ZNF592: variants seen among roughly 807,000 people sequenced by gnomAD.
The protein encoded by ZNF592 is zinc finger protein 592.
In ZNF592, 11 loss-of-function variants were observed where a neutral mutation model predicts 80.3. The observed-to-expected ratio is 0.14, with a 90% confidence interval of 0.09 to 0.23. The LOEUF (loss-of-function observed/expected upper bound fraction) is 0.23, where lower values mean the gene tolerates loss of function less well. Ranked by LOEUF, ZNF592 falls within the 10% of genes least tolerant of loss-of-function variation. The pLI, the probability that ZNF592 is intolerant of heterozygous loss-of-function variation, is 1.00. For missense variants in ZNF592, 1,420 were observed against 1,633.9 expected (o/e 0.87, Z 2.26); for synonymous variants, 646 against 640.3 (o/e 1.01, Z -0.13).
intron 1 of ZNF592, among the ~76,000 whole-genome samples, chr15:84,760,193 C>T (rs1475796022): frequency 1.3e-5 from 2 of 152,012 alleles, no homozygotes; most frequent in Non-Finnish European, 2.9e-5. Context: ...TCTTCTACTC[C>T]AAATCCTCCT....
At chr15:84,779,530 T>TA (rs1034340625) in intron 3 of ZNF592, among the ~76,000 whole-genome samples, 1 of 152,106 alleles carries the variant, frequency 6.6e-6, no homozygotes, top group African/African-American at 2.4e-5. Context: ...TTATTCTTTT[T>TA]AAAAATAGAG....
rs1009020534 is a variant in ZNF592, at chr15:84,798,409, G to A, written c.2671G>A (p.Val891Ile). The change falls in exon 7 of 11, where the codon GTC becomes ATC. Residue 891 changes from valine to isoleucine, a missense_variant. Val to Ile is a conservative substitution (Grantham distance 29). Around this residue, in one of 7 missense-constraint regions of ZNF592, gnomAD observed 331 missense variants for 347.0 expected, o/e 0.95. Coordinates refer to ENST00000560079, the MANE Select transcript of ZNF592 (RefSeq NM_014630.3). The surrounding 1 kb of genome is among the most constrained non-coding windows in gnomAD (Gnocchi z 4.5). ...YQNVSKTQVG[V>I]FKCPECPLLF... is the part of the protein sequence containing the mutation. The stretch of plus-strand genomic sequence containing the variant: ...GAATGTCAGCAAGACGCAGGTGGGC[G>A]TCTTCAAGTGCCCTGAGTGCCCACT... 16 of 1,614,170 alleles carry A rather than the reference G, an allele frequency of 9.9e-6. No individual in the cohort carries two copies. The highest frequency in any genetic ancestry group is 2.2e-5 in the East Asian group (1 of 44,872).
intron 1 of ZNF592, among the ~76,000 whole-genome samples, chr15:84,748,872 C>T (rs1898928062): frequency 6.7e-6 from 1 of 148,190 alleles, no homozygotes; most frequent in South Asian, 2.1e-4. Context: ...CACCCCGCCC[C>T]CGGCCGTCGG....
intron 1 of ZNF592, among the ~76,000 whole-genome samples, chr15:84,751,891 C>T (rs760796628): frequency 2.0e-5 from 3 of 151,938 alleles, no homozygotes; most frequent in Admixed American, 1.3e-4. Flanking sequence ...GGTGACAGAG[C>T]GAGACTCCAT....
At position 84,759,969 on chromosome 15, in the gene ZNF592, C is replaced by T. The variant is rs1462402539; in HGVS notation, c.-258-4738C>T. ...TTGGGGAGATTCCCCCCCCCCCCAC[C>T]CTGCCATTTAAAAAGTAATATGTGC... On this transcript the variant is annotated intron_variant, in intron 1 of 10. Transcript: ENST00000560079. Among the ~76,000 whole-genome samples the T allele has an allele frequency of 4.5e-3, 373 of 83,550 alleles. 9 individuals are homozygous for T. Among genetic ancestry groups the T allele is most frequent in the Non-Finnish European group, 8.2e-3 (273 of 33,136 alleles). The allele number at this position is 83,550 out of a possible 152,430, so 54.8% of individuals were successfully genotyped here. A position where few individuals can be genotyped will look rare whatever the true frequency, so the allele number is the denominator to read the frequency against.
intron 2 of ZNF592, among the ~76,000 whole-genome samples, chr15:84,769,991 A>G (rs1899652416): frequency 6.6e-6 from 1 of 152,192 alleles, no homozygotes; most frequent in Admixed American, 6.5e-5. Context: ...GGGAATGACT[A>G]GTAGAGGCAA....
chr15:84,781,406 G>A (rs1312882736), intron 3 of ZNF592, among the ~76,000 whole-genome samples: 1 of 141,406 alleles, frequency 7.1e-6, no homozygotes, highest in Non-Finnish European at 1.5e-5. Context: ...TTTTTTTTTT[G>A]GTCTTAGACA....
chr15:84,772,591 A>G (rs997895449), intron 2 of ZNF592, among the ~76,000 whole-genome samples: 4 of 152,184 alleles, frequency 2.6e-5, no homozygotes, highest in Non-Finnish European at 5.9e-5. Flanking sequence ...AATTACAAGC[A>G]ATAATGCAAC....
At chr15:84,748,763 G>T in intron 1 of ZNF592, 99 bp downstream of exon 1, 1 of 147,172 alleles carries the variant, frequency 6.8e-6, no homozygotes, top group South Asian at 2.0e-4. Flanking sequence ...GTCCGAGCCC[G>T]AGCCGGGGCC....
rs1963008684 is a variant in ZNF592, at chr15:84,798,854, C to T, written c.3003C>T (p.His1001=). 1.9e-6 allele frequency: 3 copies of T among 1,598,860 alleles called. No individual in the cohort carries two copies. In the African/African-American group the frequency reaches 4.0e-5, roughly 21 times the overall value. The change falls in exon 8 of 11, where the codon CAC becomes CAT. Residue 1001 remains histidine (H), a synonymous_variant. Coordinates refer to ENST00000560079, the MANE Select transcript of ZNF592 (RefSeq NM_014630.3). The surrounding 1 kb of genome is among the most constrained non-coding windows in gnomAD (Gnocchi z 4.5). ...WVPDRESYVS[H]MKKSHGRTLK... ...CAGATCGGGAGAGCTACGTGTCCCACATGAAAAAGAGCCACGGTCGGGTAA... is the reference window on the plus strand; with the variant it reads ...CAGATCGGGAGAGCTACGTGTCCCATATGAAAAAGAGCCACGGTCGGGTAA...
rs1719 is a variant in ZNF592 at position 84,804,941 on chromosome 15, G to A, written c.*2548G>A. On this transcript the variant is annotated 3_prime_UTR_variant, in exon 11 of 11. Coordinates refer to ENST00000560079, the MANE Select transcript of ZNF592 (RefSeq NM_014630.3). The stretch of plus-strand genomic sequence containing the variant: ...CCGAGGCTCCGAGAGGTTAAACGAT[G>A]TGCAGAGGCTACCTGTAGTGATGGT... 1 of 152,144 alleles carries A rather than the reference G, an allele frequency of 6.6e-6. No homozygotes were observed. The highest frequency in any genetic ancestry group is 1.9e-4 in the East Asian group (1 of 5,192). 9.4% of individuals were successfully genotyped at this position (152,144 alleles called of 1,614,324 possible).
rs1050269412 is a variant in ZNF592 at position 84,803,973 on chromosome 15, T to G, written c.*1580T>G. On this transcript the variant is annotated 3_prime_UTR_variant, in exon 11 of 11. Coordinates refer to ENST00000560079, the MANE Select transcript of ZNF592 (RefSeq NM_014630.3). Reference sequence around the variant, plus strand: ...TTTCAAGGAGGCATTAAATATCAATTATAAATTATTAAGTCAGATAAATAT... The same window carrying G: ...TTTCAAGGAGGCATTAAATATCAATGATAAATTATTAAGTCAGATAAATAT... 6.6e-6 allele frequency: 1 copy of G among 152,212 alleles called. No individual in the cohort carries two copies. 9.4% of individuals were successfully genotyped at this position (152,212 alleles called of 1,614,324 possible). A position where few individuals can be genotyped will look rare whatever the true frequency, so the allele number is the denominator to read the frequency against.
intron 2 of ZNF592, among the ~76,000 whole-genome samples, chr15:84,770,164 G>A (rs1899657580): frequency 6.6e-6 from 1 of 152,160 alleles, no homozygotes. Flanking sequence ...GAGAGGTTTA[G>A]GCCTAAGCAG....
chr15:84,768,761 A>AC (rs1899611225), intron 2 of ZNF592, among the ~76,000 whole-genome samples: 1 of 152,168 alleles, frequency 6.6e-6, no homozygotes, highest in Non-Finnish European at 1.5e-5. Flanking sequence ...CTTTAGGTAG[A>AC]CCCCTTCCCA....
chr15:84,786,169 GATGCCGGCAGAAGGGAGTCTAA>G, intron 4 of ZNF592, among the ~76,000 whole-genome samples: 1 of 152,308 alleles, frequency 6.6e-6, no homozygotes, highest in East Asian at 1.9e-4. Flanking sequence ...CCAACCAGGG[GATGCCGGCAGAAGGGAGTCTAA>G]CCTTCAGGAG....
At chr15:84,787,624 G>C (rs1962628905) in intron 4 of ZNF592, among the ~76,000 whole-genome samples, 1 of 152,204 alleles carries the variant, frequency 6.6e-6, no homozygotes, top group Non-Finnish European at 1.5e-5. Context: ...GACCCAGGGA[G>C]TTCTTTCATC....
At chr15:84,780,311 AAG>A (rs1420171017) in intron 3 of ZNF592, among the ~76,000 whole-genome samples, 1 of 152,188 alleles carries the variant, frequency 6.6e-6, no homozygotes, top group African/African-American at 2.4e-5. Context: ...AGAAGAAAGA[AAG>A]AACAAAAAAG....
intron 3 of ZNF592, among the ~76,000 whole-genome samples, chr15:84,778,834 G>A (rs1452756757): frequency 6.6e-6 from 1 of 152,194 alleles, no homozygotes; most frequent in Non-Finnish European, 1.5e-5. Flanking sequence ...AATGGCGTGT[G>A]CATGTGTGGT....
At position 84,804,552 on chromosome 15, in the gene ZNF592, A is replaced by G. The variant is rs1337297890; in HGVS notation, c.*2159A>G. The G allele has an allele frequency of 6.6e-6, 1 of 152,234 alleles. No individual in the cohort carries two copies. The highest frequency in any genetic ancestry group is 2.4e-5 in the African/African-American group (1 of 41,456). 9.4% of individuals were successfully genotyped at this position (152,234 alleles called of 1,614,324 possible). ...TTAGCCAGCTCTTAACAAATCCCTT[A>G]ACCTCACTGTCTCCTCTCCTTCACA... is the stretch of plus-strand genomic sequence containing the variant. On this transcript the variant is annotated 3_prime_UTR_variant, in exon 11 of 11. Coordinates refer to ENST00000560079, the MANE Select transcript of ZNF592 (RefSeq NM_014630.3).
Sources: gnomAD v4.1 joint callset for allele counts (sites outside exome capture counted in the v4.1 genomes callset) on GRCh38, gnomAD v4.1.1 for gene constraint, gnomAD v4.1.1 regional missense constraint, Gnocchi (gnomAD v3.1) non-coding constraint, MANE v1.5 for transcripts, NCBI Gene and HGNC (gene_info 2026-07-23, HGNC 2026-07-21) for gene names.